The following SNX29 variants were observed in gnomAD, a reference collection of about 807,000 sequenced individuals.
The protein encoded by SNX29 is sorting nexin 29, also known as sorting nexin-29.
Under a neutral mutation model 102.1 loss-of-function variants are expected in SNX29, and 78 were observed. The observed-to-expected ratio is 0.76, with a 90% CI of 0.64 to 0.92. The LOEUF is 0.92. SNX29 is among the 40% of genes least tolerant of loss of function. SNX29 has a pLI of 0.00. For synonymous variants in SNX29, 580 were observed against 414.5 expected, an observed-to-expected ratio of 1.40 and a Z score of -4.85; for missense variants, 1,280 against 1,061.7, an observed-to-expected ratio of 1.21 and a Z score of -2.86.
In SNX29 at chr16:12,568,741, T is replaced by A. The variant is rs2079119118; in HGVS notation, c.*112T>A. 1.4e-6 allele frequency: 2 copies of A among 1,448,344 alleles called. No individual in the cohort carries two copies. Among genetic ancestry groups the A allele is most frequent in the Admixed American group, 4.5e-5 (2 of 44,420 alleles). The allele number at this position is 1,448,344 out of a possible 1,614,324, so 89.7% of individuals were successfully genotyped here. ...GACAACCACGTCCACCTGGTGATCC[T>A]GAGAGCACACGATTCCCAACAGTTA... On this transcript the variant is annotated 3_prime_UTR_variant, in exon 21 of 21. Coordinates refer to ENST00000566228, the MANE Select transcript of SNX29 (RefSeq NM_032167.5).
intron 19 of SNX29, among the ~76,000 whole-genome samples, chr16:12,491,698 G>T (rs1380972564): frequency 6.6e-6 from 1 of 150,622 alleles, no homozygotes; most frequent in Non-Finnish European, 1.5e-5. Context: ...CCCCACAACA[G>T]TCCCCGGTGT....
chr16:12,241,422 C>T (rs1401046344), intron 14 of SNX29, among the ~76,000 whole-genome samples: 1 of 151,824 alleles, frequency 6.6e-6, no homozygotes, highest in African/African-American at 2.4e-5. Context: ...TGGACCTAGT[C>T]TGTCTCTGTG....
At chr16:12,171,911 TCTCTGG>T (rs1458242812) in intron 13 of SNX29, among the ~76,000 whole-genome samples, 1 of 152,160 alleles carries the variant, frequency 6.6e-6, no homozygotes, top group Non-Finnish European at 1.5e-5. Context: ...TTCCCTGACC[TCTCTGG>T]GCCCCAGTGT....
intron 12 of SNX29, among the ~76,000 whole-genome samples, chr16:12,128,654 T>C (rs1222762018): frequency 6.6e-6 from 1 of 152,128 alleles, no homozygotes; most frequent in African/African-American, 2.4e-5. Flanking sequence ...GGTTTCATCA[T>C]GTTGGCCAGG....
intron 1 of SNX29, among the ~76,000 whole-genome samples, chr16:11,987,403 C>T (rs568776671): frequency 9.3e-6 from 1 of 107,292 alleles, no homozygotes; most frequent in Non-Finnish European, 2.0e-5. Context: ...GACTTTTACT[C>T]TTTTTTTTTT....
At chr16:12,289,026 T>G (rs536843365) in intron 15 of SNX29, among the ~76,000 whole-genome samples, 1 of 152,338 alleles carries the variant, frequency 6.6e-6, no homozygotes, top group African/African-American at 2.4e-5. Flanking sequence ...GGAAAATGAA[T>G]GCAGTGACAA....
intron 3 of SNX29, among the ~76,000 whole-genome samples, chr16:12,022,467 T>C (rs1012400190): frequency 7.2e-5 from 11 of 152,088 alleles, no homozygotes; most frequent in African/African-American, 2.7e-4. Context: ...TCCCAAAGTG[T>C]TGGGATTACA....
chr16:12,519,281 A>T (rs907886120), intron 19 of SNX29, among the ~76,000 whole-genome samples: 6 of 152,236 alleles, frequency 3.9e-5, no homozygotes, highest in African/African-American at 1.2e-4. Context: ...CATGTCCCCC[A>T]AAAGGTCAGA....
rs1598140093 is a variant in SNX29 at position 12,571,418 on chromosome 16, C to CTT, written c.*2790_*2791dup. ...ATTGCTTGCACCTCACATCTGTCTTCTTCTAAGATTACTCGGAGATTTTCA... is the reference window on the plus strand; with the variant it reads ...ATTGCTTGCACCTCACATCTGTCTTCTTTTCTAAGATTACTCGGAGATTTTCA... On this transcript the variant is annotated 3_prime_UTR_variant, in exon 21 of 21. Transcript: ENST00000566228. The CTT allele has an allele frequency of 4.3e-6, 1 of 233,348 alleles. No individual in the cohort carries two copies. Among genetic ancestry groups the CTT allele is most frequent in the East Asian group, 6.1e-5 (1 of 16,338 alleles). The allele number at this position is 233,348 out of a possible 1,614,324, so 14.5% of individuals were successfully genotyped here. A position where few individuals can be genotyped will look rare whatever the true frequency, so the allele number is the denominator to read the frequency against.
chr16:12,535,192 G>A lies in SNX29; in HGVS notation c.2318+10351G>A, dbSNP rs2077040479. On this transcript the variant is annotated intron_variant, in intron 20 of 20. Coordinates refer to ENST00000566228, the MANE Select transcript of SNX29 (RefSeq NM_032167.5). The stretch of plus-strand genomic sequence containing the variant: ...CTCACTCTGTCACCAAGGCTGGAGT[G>A]CAGTGGTGTGATTTCAGCTCACTGC... Among the ~76,000 whole-genome samples the A allele has an allele frequency of 2.0e-5, 3 of 152,244 alleles. No individual in the cohort carries two copies. In the South Asian group the frequency reaches 6.2e-4, roughly 32 times the overall value.
intron 16 of SNX29, among the ~76,000 whole-genome samples, chr16:12,389,831 G>T (rs1176338427): frequency 1.3e-5 from 2 of 152,196 alleles, no homozygotes; most frequent in African/African-American, 4.8e-5. Context: ...ATGTAGGGCA[G>T]AGCAGGAGAA....
chr16:12,205,547 C>T (rs531921845), intron 14 of SNX29, among the ~76,000 whole-genome samples: 1 of 152,098 alleles, frequency 6.6e-6, no homozygotes, highest in South Asian at 2.1e-4. Flanking sequence ...TCAAACATGC[C>T]AGGCTGGCTC....
chr16:12,368,637 T>G (rs2082572371), intron 16 of SNX29, among the ~76,000 whole-genome samples: 1 of 152,228 alleles, frequency 6.6e-6, no homozygotes, highest in Admixed American at 6.5e-5. Flanking sequence ...CCTGCTTGGA[T>G]AATGCTGAGA....
At chr16:12,395,552 C>T (rs1034118837) in intron 16 of SNX29, among the ~76,000 whole-genome samples, 2 of 152,206 alleles carry the variant, frequency 1.3e-5, no homozygotes, top group African/African-American at 4.8e-5. Flanking sequence ...CGTGAGTGCC[C>T]AGACCACAGG....
chr16:12,474,096 A>C (rs1030406525), intron 18 of SNX29, among the ~76,000 whole-genome samples: 2 of 152,170 alleles, frequency 1.3e-5, no homozygotes, highest in Admixed American at 6.5e-5. Flanking sequence ...ACTGTGATAG[A>C]AAGTGTTAGA....
chr16:12,059,102 G>T (rs561755727), intron 8 of SNX29, among the ~76,000 whole-genome samples: 34 of 152,126 alleles, frequency 2.2e-4, no homozygotes, highest in Non-Finnish European at 3.7e-4. Context: ...TGAGGCGGTG[G>T]TCCTTGGGGC....
intron 10 of SNX29, 81 bp downstream of exon 10, chr16:12,069,213 G>A (rs1252127947): frequency 1.8e-5 from 21 of 1,190,288 alleles, no homozygotes; most frequent in Non-Finnish European, 2.5e-5. Context: ...TTTAAAGATA[G>A]GAGTGCACCT....
At chr16:12,296,006 T>G (rs767679977) in intron 15 of SNX29, among the ~76,000 whole-genome samples, 3 of 152,260 alleles carry the variant, frequency 2.0e-5, no homozygotes, top group Non-Finnish European at 4.4e-5. Context: ...GTTCCTACTA[T>G]GTAATATGTA....
intron 9 of SNX29, among the ~76,000 whole-genome samples, chr16:12,064,335 T>C (rs2050920578): frequency 6.6e-6 from 1 of 152,184 alleles, no homozygotes; most frequent in African/African-American, 2.4e-5. Context: ...GGGCTTTCTG[T>C]AGCAAGTGTG....
Sources: allele counts gnomAD v4.1 joint callset (sites outside exome capture counted in the v4.1 genomes callset), GRCh38; gene constraint gnomAD v4.1.1; transcripts MANE v1.5; gene names NCBI Gene and HGNC (gene_info 2026-07-23, HGNC 2026-07-21).